BLOC1S5: variants seen among roughly 807,000 people sequenced by gnomAD.
The protein encoded by BLOC1S5 is biogenesis of lysosomal organelles complex 1 subunit 5, also known as biogenesis of lysosome-related organelles complex 1 subunit 5.
A neutral mutation model predicts 24.3 loss-of-function variants in BLOC1S5; 27 were observed. The ratio of observed to expected loss-of-function variants is 1.11; its 90% CI spans 0.82 to 1.53. The LOEUF (loss-of-function observed/expected upper bound fraction) is 1.53. BLOC1S5 is among the 40% of genes most tolerant of loss of function. The pLI, the probability that BLOC1S5 is intolerant of heterozygous loss-of-function variation, is 0.00. For missense variants in BLOC1S5, 239 were observed against 229.4 expected (o/e 1.04, Z -0.27); for synonymous variants, 84 against 74.5 (o/e 1.13, Z -0.66).
intron 2 of BLOC1S5, among the ~76,000 whole-genome samples, chr6:8,046,635 T>C (rs1763908756): frequency 6.9e-6 from 1 of 144,002 alleles, no homozygotes. Context: ...TACTCCAAGC[T>C]TCAACAATTC....
Position 8,041,258 on chromosome 6 carries a change from C to T in BLOC1S5, c.206G>A (p.Gly69Asp), listed in dbSNP as rs1561863881. 1 of 1,605,118 alleles carries T rather than the reference C, an allele frequency of 6.2e-7. No individual in the cohort carries two copies. Among genetic ancestry groups the T allele is most frequent in the Non-Finnish European group, 8.5e-7 (1 of 1,176,514 alleles). Residue 69 changes from glycine (G) to aspartate (D), a missense_variant, in exon 3 of 5, where the codon GGT (glycine) becomes GAT (aspartate). Coordinates refer to ENST00000397457, the MANE Select transcript of BLOC1S5 (RefSeq NM_201280.3). ...YFVKEFEEKRGLREMRVLENL... is the reference protein window; with the variant it reads ...YFVKEFEEKRDLREMRVLENL... ...TTCAAGAACTCGCATTTCTCGAAGA[C>T]CACGTTTTTCCTATTAAAAGAAAGT...
intron 4 of BLOC1S5, among the ~76,000 whole-genome samples, chr6:8,020,334 G>C (rs368949390): frequency 6.6e-6 from 1 of 152,208 alleles, no homozygotes; most frequent in African/African-American, 2.4e-5. Context: ...CAGCAGGTGT[G>C]GGGGTATGGC....
intron 2 of BLOC1S5, among the ~76,000 whole-genome samples, chr6:8,041,655 C>CTTTCTTTCTTTTTTT (rs111955375): frequency 1.8e-5 from 2 of 111,870 alleles, no homozygotes; most frequent in African/African-American, 6.4e-5. Context: ...TTCTTTCTTT[C>CTTTCTTTCTTTTTTT]TTTTTTTTTG....
At chr6:8,033,518 A>G (rs1269854971) in intron 3 of BLOC1S5, among the ~76,000 whole-genome samples, 1 of 152,238 alleles carries the variant, frequency 6.6e-6, no homozygotes, top group Admixed American at 6.5e-5. Flanking sequence ...CTAAAACCAT[A>G]AAAACCCTAG....
Position 8,028,363 on chromosome 6 carries a change from T to TA in BLOC1S5, c.326-1939_326-1938insT, listed in dbSNP as rs755121539. 4.9e-4 allele frequency among the ~76,000 whole-genome samples: 66 copies of TA among 134,416 alleles called. 1 individual carries two copies. In the East Asian group the frequency reaches 9.2e-3, roughly 19 times the overall value. The allele number at this position is 134,416 out of a possible 152,430, so 88.2% of individuals were successfully genotyped here. On this transcript the variant is annotated intron_variant, in intron 3 of 4. Transcript: ENST00000397457. ...CATTGATTTTTAAAAAAGAAAATAT[T>TA]TAAAAAAAAAAAAACAGGAGTTGAT...
At chr6:8,044,305 G>C (rs1323735980) in intron 2 of BLOC1S5, among the ~76,000 whole-genome samples, 1 of 95,690 alleles carries the variant, frequency 1.0e-5, no homozygotes, top group Non-Finnish European at 2.3e-5. Context: ...AAAAAAAAAA[G>C]AAGGAAGTGT....
chr6:8,053,419 T>C (rs904175290), intron 2 of BLOC1S5, among the ~76,000 whole-genome samples: 4 of 152,174 alleles, frequency 2.6e-5, no homozygotes, highest in Non-Finnish European at 5.9e-5. Context: ...GATCAGTCAG[T>C]CAGCAGCCAT....
At chr6:8,016,266 C>G (rs1444786766) in intron 4 of BLOC1S5, among the ~76,000 whole-genome samples, 1 of 151,428 alleles carries the variant, frequency 6.6e-6, no homozygotes, top group Non-Finnish European at 1.5e-5. Flanking sequence ...GCAGAGGTTG[C>G]AGTGAGCTGA....
intron 2 of BLOC1S5, among the ~76,000 whole-genome samples, chr6:8,047,425 A>C (rs1334031476): frequency 2.0e-5 from 3 of 152,102 alleles, no homozygotes; most frequent in Non-Finnish European, 4.4e-5. Flanking sequence ...TATAAAAGAC[A>C]TTTGTTGACC....
intron 2 of BLOC1S5, among the ~76,000 whole-genome samples, chr6:8,043,762 G>C (rs1763774798): frequency 6.6e-6 from 1 of 152,178 alleles, no homozygotes; most frequent in Admixed American, 6.5e-5. Context: ...GAAAGAAATT[G>C]GGTGAGGTGT....
At chr6:8,042,161 G>C (rs972782143) in intron 2 of BLOC1S5, among the ~76,000 whole-genome samples, 4 of 152,100 alleles carry the variant, frequency 2.6e-5, no homozygotes, top group Non-Finnish European at 5.9e-5. Context: ...AATACTAAAA[G>C]AACCAGAAAA....
intron 2 of BLOC1S5, among the ~76,000 whole-genome samples, chr6:8,059,364 A>G (rs72820105): frequency 0.16 from 24,046 of 152,290 alleles, 1,973 homozygotes; most frequent in Admixed American, 0.19. Context: ...CCCTTCTTTT[A>G]CAAATAAAAT....
Position 8,041,244 on chromosome 6 carries a change from G to C in BLOC1S5, c.220C>G (p.Arg74Gly), listed in dbSNP as rs1049690134. Residue 74 changes from arginine (R) to glycine (G), a missense_variant, in exon 3 of 5, where the codon CGA (arginine) becomes GGA (glycine). Physicochemically the swap from Arg to Gly is moderately radical, Grantham distance 125 (BLOSUM62 -2). Coordinates refer to ENST00000397457, the MANE Select transcript of BLOC1S5 (RefSeq NM_201280.3). The stretch of plus-strand genomic sequence containing the variant: ...ATGTTCTTCAAATTTTCAAGAACTC[G>C]CATTTCTCGAAGACCACGTTTTTCC... ...FEEKRGLREMRVLENLKNMIH... is the reference protein window; with the variant it reads ...FEEKRGLREMGVLENLKNMIH... The C allele has an allele frequency of 6.2e-7, 1 of 1,609,398 alleles. No individual in the cohort carries two copies. The highest frequency in any genetic ancestry group is 8.5e-7 in the Non-Finnish European group (1 of 1,178,322).
chr6:8,019,612 G>GT (rs1230914771), intron 4 of BLOC1S5, among the ~76,000 whole-genome samples: 2 of 151,782 alleles, frequency 1.3e-5, no homozygotes, highest in Admixed American at 6.6e-5. Context: ...AAAAAAGGGG[G>GT]GGGGGGCGCC....
At chr6:8,060,477 G>A (rs534868932) in intron 2 of BLOC1S5, among the ~76,000 whole-genome samples, 1 of 152,296 alleles carries the variant, frequency 6.6e-6, no homozygotes, top group African/African-American at 2.4e-5. Context: ...AGGATTTGCA[G>A]ACCATTTGGC....
chr6:8,057,063 T>C (rs1183225302), intron 2 of BLOC1S5, among the ~76,000 whole-genome samples: 1 of 151,780 alleles, frequency 6.6e-6, no homozygotes, highest in African/African-American at 2.4e-5. Context: ...ACTAAAAAAA[T>C]ACAAAATTAG....
At chr6:8,020,381 C>T (rs1249234844) in intron 4 of BLOC1S5, among the ~76,000 whole-genome samples, 3 of 152,200 alleles carry the variant, frequency 2.0e-5, no homozygotes, top group African/African-American at 7.2e-5. Context: ...GAACAAATAC[C>T]ACTTTCTAAG....
intron 2 of BLOC1S5, among the ~76,000 whole-genome samples, chr6:8,048,419 G>C (rs1385472666): frequency 6.6e-6 from 1 of 152,040 alleles, no homozygotes; most frequent in Non-Finnish European, 1.5e-5. Flanking sequence ...AGCGGAGAAG[G>C]CTAGGAAATA....
intron 2 of BLOC1S5, among the ~76,000 whole-genome samples, chr6:8,058,432 A>G (rs75408740): frequency 0.029 from 4,380 of 150,374 alleles, 223 homozygotes; most frequent in African/African-American, 0.099. Context: ...ATCAAGAGAG[A>G]GTAGTGGAAA....
Sources: allele counts gnomAD v4.1 joint callset (sites outside exome capture counted in the v4.1 genomes callset), GRCh38; gene constraint gnomAD v4.1.1; transcripts MANE v1.5; gene names NCBI Gene and HGNC (gene_info 2026-07-23, HGNC 2026-07-21).